The following HEXB variants were observed in gnomAD, a reference collection of about 807,000 sequenced individuals.
HEXB encodes beta-hexosaminidase subunit beta.
Under a neutral mutation model 71.2 loss-of-function variants are expected in HEXB, and 51 were observed. The ratio of observed to expected loss-of-function variants is 0.72; its 90% confidence interval spans 0.57 to 0.90. The LOEUF (loss-of-function observed/expected upper bound fraction) is 0.90. Among genes scored for constraint, HEXB ranks in the 40% least tolerant of loss-of-function variants. HEXB has a pLI of 0.00. For synonymous variants in HEXB, 266 were observed against 249.3 expected (o/e 1.07, Z -0.63); for missense variants, 617 against 677.0 (o/e 0.91, Z 0.98).
chr5:74,697,310 C>T (rs925089828), intron 5 of HEXB, among the ~76,000 whole-genome samples: 8 of 152,186 alleles, frequency 5.3e-5, no homozygotes, highest in African/African-American at 9.7e-5. Flanking sequence ...GTTTTCAGTG[C>T]GAGAGCCACG....
chr5:74,713,651 T>A lies in HEXB; in HGVS notation c.901+16T>A. ...TGGGGAAAAGGTAAGGAGTTGTATT[T>A]TATTTCATTTTATCTTATTTTTTAT... On this transcript the variant is annotated intron_variant, in intron 7 of 13. Transcript: ENST00000261416. The A allele has an allele frequency of 6.2e-7, 1 of 1,600,918 alleles. No homozygotes were observed. The highest frequency in any genetic ancestry group is 8.6e-7 in the Non-Finnish European group (1 of 1,168,170).
intron 1 of HEXB, among the ~76,000 whole-genome samples, chr5:74,662,624 G>A (rs1255033507): frequency 6.6e-6 from 1 of 152,178 alleles, no homozygotes; most frequent in African/African-American, 2.4e-5. Flanking sequence ...CAAAATGACT[G>A]TACCAATCTA....
At chr5:74,673,100 T>C (rs953816958) in intron 1 of HEXB, among the ~76,000 whole-genome samples, 5 of 152,198 alleles carry the variant, frequency 3.3e-5, no homozygotes, top group African/African-American at 1.2e-4. Flanking sequence ...AGGTAGAGAA[T>C]TGGGGAACAA....
intron 1 of HEXB, among the ~76,000 whole-genome samples, chr5:74,656,220 C>T (rs1394952092): frequency 6.6e-6 from 1 of 152,090 alleles, no homozygotes; most frequent in African/African-American, 2.4e-5. Context: ...CTTGGGGAGG[C>T]CTAGCCGGGT....
chr5:74,646,591 A>G (rs1249358310), intron 1 of HEXB, among the ~76,000 whole-genome samples: 2 of 149,274 alleles, frequency 1.3e-5, no homozygotes, highest in Non-Finnish European at 3.0e-5. Context: ...TTTTTGAGAC[A>G]GAGTCTCACT....
chr5:74,685,146 A>C, upstream of HEXB: 2 of 1,135,188 alleles, frequency 1.8e-6, no homozygotes, highest in Non-Finnish European at 2.4e-6. Flanking sequence ...GGGCGCGCGC[A>C]GTCATCTGAC....
intron 5 of HEXB, among the ~76,000 whole-genome samples, chr5:74,701,811 G>A (rs1347213902): frequency 6.6e-6 from 1 of 151,178 alleles, no homozygotes; most frequent in Non-Finnish European, 1.5e-5. Flanking sequence ...AAACCACATG[G>A]GCACATATGA....
At chr5:74,643,542 T>A (rs1747946539) in intron 1 of HEXB, among the ~76,000 whole-genome samples, 1 of 152,222 alleles carries the variant, frequency 6.6e-6, no homozygotes, top group South Asian at 2.1e-4. Flanking sequence ...CTCTGTCTTG[T>A]GACATCAAAC....
chr5:74,716,535 T>G, intron 8 of HEXB, 52 bp from the exon 9 acceptor site: 1 of 1,105,642 alleles, frequency 9.0e-7, no homozygotes, highest in Non-Finnish European at 1.4e-6. Context: ...CTCTAAATAA[T>G]AAACTGAGCA....
chr5:74,649,630 G>T lies in HEXB; in HGVS notation c.-377+9072G>T, dbSNP rs570731540. 1.1e-4 allele frequency among the ~76,000 whole-genome samples: 16 copies of T among 152,294 alleles called. No individual in the cohort carries two copies. The South Asian group carries it at 3.1e-3, about 30-fold the overall frequency. On this transcript the variant is annotated intron_variant, in intron 1 of 13. Coordinates refer to the HEXB transcript ENST00000511181. Reference sequence around the variant, plus strand: ...CATACCCAGTGGATTTCTAAGAAATGATTTTCTTGGTTTACTTTGCTCCAT... The same window carrying T: ...CATACCCAGTGGATTTCTAAGAAATTATTTTCTTGGTTTACTTTGCTCCAT...
chr5:74,680,748 G>A (rs541024620), upstream of HEXB, among the ~76,000 whole-genome samples: 3 of 152,344 alleles, frequency 2.0e-5, no homozygotes, highest in African/African-American at 7.2e-5. Flanking sequence ...AGCACACAGT[G>A]CACCCAGGTG....
chr5:74,644,877 T>A (rs1747974331), intron 1 of HEXB, among the ~76,000 whole-genome samples: 1 of 133,182 alleles, frequency 7.5e-6, no homozygotes, highest in African/African-American at 2.8e-5. Context: ...ATTCAAGCAA[T>A]TCTCCTGCCT....
At chr5:74,644,763 C>CTTTTTTTTTTTTTTTTTT (rs1747970041) in intron 1 of HEXB, among the ~76,000 whole-genome samples, 1 of 83,358 alleles carries the variant, frequency 1.2e-5, no homozygotes, top group African/African-American at 5.1e-5. Context: ...TCTTTTTTTT[C>CTTTTTTTTTTTTTTTTTT]CTTTTTTTTT....
chr5:74,719,067 C>A, intron 11 of HEXB, 96 bp downstream of exon 11: 1 of 1,150,220 alleles, frequency 8.7e-7, no homozygotes, highest in Non-Finnish European at 1.3e-6. Context: ...GTTTTCTTCC[C>A]TAACCTCCCA....
chr5:74,654,249 G>A (rs932091915), intron 1 of HEXB, among the ~76,000 whole-genome samples: 4 of 152,086 alleles, frequency 2.6e-5, no homozygotes, highest in East Asian at 1.9e-4. Context: ...ATGTGCACAC[G>A]AATCACTTGG....
chr5:74,650,612 T>C (rs900862628), intron 1 of HEXB, among the ~76,000 whole-genome samples: 2 of 151,958 alleles, frequency 1.3e-5, no homozygotes, highest in Admixed American at 6.6e-5. Flanking sequence ...CTTTGCCGAA[T>C]ATGAGGAAGT....
intron 1 of HEXB, among the ~76,000 whole-genome samples, chr5:74,672,383 G>A (rs975835939): frequency 5.9e-5 from 9 of 152,142 alleles, no homozygotes; most frequent in East Asian, 1.9e-4. Flanking sequence ...ACAGCTCTTC[G>A]TGCCAATATT....
intron 1 of HEXB, among the ~76,000 whole-genome samples, chr5:74,664,880 C>T (rs1302465423): frequency 6.6e-6 from 1 of 152,160 alleles, no homozygotes; most frequent in Non-Finnish European, 1.5e-5. Flanking sequence ...GACCTAGCAC[C>T]TGCAGGAAAA....
intron 3 of HEXB, among the ~76,000 whole-genome samples, chr5:74,696,422 T>C (rs1040514523): frequency 5.9e-5 from 9 of 152,178 alleles, no homozygotes; most frequent in Non-Finnish European, 1.2e-4. Flanking sequence ...TTTGTCTATA[T>C]TGAAACAACC....
Sources: allele counts gnomAD v4.1 joint callset (sites outside exome capture counted in the v4.1 genomes callset), GRCh38; gene constraint gnomAD v4.1.1; transcripts MANE v1.5; gene names NCBI Gene and HGNC (gene_info 2026-07-23, HGNC 2026-07-21).